Variants in GAB2 observed in about 807,000 individuals in gnomAD.
The protein encoded by GAB2 is GRB2 associated binding protein 2.
A neutral mutation model predicts 65.5 loss-of-function variants in GAB2; 26 were observed. The observed-to-expected ratio is 0.40, with a 90% CI of 0.29 to 0.55. The LOEUF is 0.55. Ranked by LOEUF, GAB2 falls within the 20% of genes least tolerant of loss-of-function variation. The probability of loss-of-function intolerance (pLI) is 0.53; values close to 1 mark genes in which losing one functional copy is unlikely to be tolerated. For synonymous variants in GAB2, 321 were observed against 329.6 expected, an observed-to-expected ratio of 0.97 and a Z score of 0.28; for missense variants, 884 against 875.8, an observed-to-expected ratio of 1.01 and a Z score of -0.12.
chr11:78,333,216 T>C (rs191815884), intron 1 of GAB2, among the ~76,000 whole-genome samples: 124 of 152,312 alleles, frequency 8.1e-4, no homozygotes, highest in Non-Finnish European at 1.3e-3. Context: ...TAAGTCCTTC[T>C]TCTAGGATTA....
intron 1 of GAB2, among the ~76,000 whole-genome samples, chr11:78,331,234 C>A (rs1465914406): frequency 6.7e-6 from 1 of 148,258 alleles, no homozygotes; most frequent in East Asian, 2.1e-4. Context: ...CTCTTTTGAT[C>A]CAAATTCTCC....
chr11:78,403,024 G>A (rs1164710197), intron 1 of GAB2, among the ~76,000 whole-genome samples: 1 of 152,164 alleles, frequency 6.6e-6, no homozygotes. Flanking sequence ...ACCATGTGAG[G>A]ACACAATGGA....
At chr11:78,247,753 G>A (rs1450369217) in intron 3 of GAB2, among the ~76,000 whole-genome samples, 4 of 152,150 alleles carry the variant, frequency 2.6e-5, no homozygotes, top group African/African-American at 9.7e-5. Flanking sequence ...GGTTTAGCAT[G>A]ATGCGAGCAA....
chr11:78,321,592 T>C (rs923434309), intron 1 of GAB2, among the ~76,000 whole-genome samples: 2 of 152,218 alleles, frequency 1.3e-5, no homozygotes. Context: ...TCTCTCATTT[T>C]ATAAACATTG....
At chr11:78,257,275 T>G (rs948021502) in intron 2 of GAB2, among the ~76,000 whole-genome samples, 3 of 152,154 alleles carry the variant, frequency 2.0e-5, no homozygotes, top group Non-Finnish European at 4.4e-5. Flanking sequence ...AAATAATGAC[T>G]AGTTCCCTTA....
chr11:78,289,962 G>A (rs1866610865), intron 1 of GAB2, among the ~76,000 whole-genome samples: 1 of 151,820 alleles, frequency 6.6e-6, no homozygotes, highest in African/African-American at 2.4e-5. Flanking sequence ...AGAGTTTGGA[G>A]GTCCTGAAAA....
chr11:78,356,177 A>AAAAAG (rs1856356019), intron 1 of GAB2, among the ~76,000 whole-genome samples: 1 of 139,924 alleles, frequency 7.1e-6, no homozygotes, highest in African/African-American at 2.8e-5. Flanking sequence ...CATCTCAAAA[A>AAAAAG]AAAAGAAAAA....
chr11:78,229,579 A>G (rs1590948201), intron 3 of GAB2, among the ~76,000 whole-genome samples: 1 of 152,192 alleles, frequency 6.6e-6, no homozygotes, highest in Non-Finnish European at 1.5e-5. Flanking sequence ...CACCCACATT[A>G]TGATTTCTGC....
At chr11:78,237,660 A>C (rs1366175016) in intron 3 of GAB2, among the ~76,000 whole-genome samples, 2 of 152,208 alleles carry the variant, frequency 1.3e-5, no homozygotes, top group Non-Finnish European at 2.9e-5. Flanking sequence ...ATGAAAAATC[A>C]GTTTAAAAAA....
chr11:78,347,778 A>G (rs1856213682), intron 1 of GAB2, among the ~76,000 whole-genome samples: 1 of 152,180 alleles, frequency 6.6e-6, no homozygotes, highest in South Asian at 2.1e-4. Flanking sequence ...TCAAAATTCA[A>G]AGCTTTTGTT....
At chr11:78,249,934 T>A (rs1241600266) in intron 3 of GAB2, among the ~76,000 whole-genome samples, 1 of 151,942 alleles carries the variant, frequency 6.6e-6, no homozygotes, top group Non-Finnish European at 1.5e-5. Flanking sequence ...TGATTTTTGA[T>A]AATGAAAAGT....
At chr11:78,391,274 G>A (rs1355270372) in intron 1 of GAB2, among the ~76,000 whole-genome samples, 2 of 152,080 alleles carry the variant, frequency 1.3e-5, no homozygotes, top group African/African-American at 4.8e-5. Context: ...CAGCCTGGGT[G>A]ACAGAGACCC....
At chr11:78,280,341 T>C in intron 2 of GAB2, 1 of 496,554 alleles carries the variant, frequency 2.0e-6, no homozygotes, top group Non-Finnish European at 3.6e-6. Flanking sequence ...GGAACGGCAG[T>C]GGTGTTGAGG....
intron 1 of GAB2, among the ~76,000 whole-genome samples, chr11:78,372,239 C>T (rs1374779583): frequency 6.6e-6 from 1 of 152,146 alleles, no homozygotes; most frequent in Non-Finnish European, 1.5e-5. Flanking sequence ...TCTCTGAGCT[C>T]TCACCCTCCT....
chr11:78,357,152 A>T (rs1320160238), intron 1 of GAB2, among the ~76,000 whole-genome samples: 1 of 152,180 alleles, frequency 6.6e-6, no homozygotes, highest in South Asian at 2.1e-4. Flanking sequence ...TTTTGATGTT[A>T]TATATGTTTC....
intron 1 of GAB2, among the ~76,000 whole-genome samples, chr11:78,309,675 T>C (rs1221954759): frequency 6.6e-6 from 1 of 152,008 alleles, no homozygotes; most frequent in East Asian, 1.9e-4. Flanking sequence ...AGAGCAACAA[T>C]GATATTCAAC....
At chr11:78,336,351 A>T (rs1332446931) in intron 1 of GAB2, among the ~76,000 whole-genome samples, 7 of 148,006 alleles carry the variant, frequency 4.7e-5, no homozygotes, top group Non-Finnish European at 1.0e-4. Flanking sequence ...AAAAAAAAAA[A>T]AAAAAAAAAA....
At chr11:78,262,853 C>T (rs1865770560) in intron 2 of GAB2, among the ~76,000 whole-genome samples, 1 of 152,180 alleles carries the variant, frequency 6.6e-6, no homozygotes, top group Non-Finnish European at 1.5e-5. Flanking sequence ...ATTATTACAC[C>T]AGAACAGGGG....
At chr11:78,304,927 G>T (rs1161778742) in intron 1 of GAB2, among the ~76,000 whole-genome samples, 2 of 152,132 alleles carry the variant, frequency 1.3e-5, no homozygotes, top group East Asian at 3.8e-4. Flanking sequence ...GCTTTAATGT[G>T]ATATTCCCTG....
Sources: gnomAD v4.1 joint callset for allele counts (sites outside exome capture counted in the v4.1 genomes callset) on GRCh38, gnomAD v4.1.1 for gene constraint, MANE v1.5 for transcripts, NCBI Gene and HGNC (gene_info 2026-07-23, HGNC 2026-07-21) for gene names.